RBFOX1: variants seen among roughly 807,000 people sequenced by gnomAD.
The protein encoded by RBFOX1 is RNA binding fox-1 homolog 1, also known as RNA binding protein fox-1 homolog 1.
Under a neutral mutation model 57.7 loss-of-function variants are expected in RBFOX1, and 8 were observed. The ratio of observed to expected loss-of-function variants is 0.14; its 90% CI spans 0.08 to 0.25. The LOEUF (loss-of-function observed/expected upper bound fraction) is 0.25, where lower values mean the gene tolerates loss of function less well. Ranked by LOEUF, RBFOX1 falls within the 10% of genes least tolerant of loss-of-function variation. The pLI is 1.00. For missense variants in RBFOX1, 611 were observed against 548.5 expected, an observed-to-expected ratio of 1.11 and a Z score of -1.14; for synonymous variants, 326 against 222.4, an observed-to-expected ratio of 1.47 and a Z score of -4.15.
intron 3 of RBFOX1, among the ~76,000 whole-genome samples, chr16:6,945,852 C>G (rs955414419): frequency 2.0e-5 from 3 of 152,220 alleles, no homozygotes; most frequent in Admixed American, 2.0e-4. Context: ...GATCAAATCA[C>G]TGCACTCCCC....
At chr16:5,248,558 A>C (rs2062362252) in intron 1 of RBFOX1, among the ~76,000 whole-genome samples, 1 of 152,088 alleles carries the variant, frequency 6.6e-6, no homozygotes, top group Non-Finnish European at 1.5e-5. Flanking sequence ...AGACCTCACC[A>C]GCTGAGGATC....
chr16:6,210,361 C>CAAAAAAAAAAAA (rs3064933), intron 1 of RBFOX1, among the ~76,000 whole-genome samples: 2 of 61,452 alleles, frequency 3.3e-5, no homozygotes, highest in Non-Finnish European at 3.5e-5. Flanking sequence ...AAAAAAACAC[C>CAAAAAAAAAAAA]AAAAAAAAAA....
At position 6,497,925 on chromosome 16, in the gene RBFOX1, T is replaced by C. The variant is rs139369891; in HGVS notation, c.-63-156678T>C. On this transcript the variant is annotated intron_variant, in intron 2 of 15. Coordinates refer to ENST00000550418, the MANE Select transcript of RBFOX1 (RefSeq NM_018723.4). ...AGAGGTTTTCAATCATATTTATAAA[T>C]AAATTAATCACTGTTACCCATGTCA... is the stretch of plus-strand genomic sequence containing the variant. Among the ~76,000 whole-genome samples the C allele has an allele frequency of 9.9e-5, 15 of 152,090 alleles. No homozygotes were observed. In the East Asian group the frequency reaches 2.9e-3, roughly 29 times the overall value.
At chr16:7,448,376 A>G (rs1400095982) in intron 4 of RBFOX1, among the ~76,000 whole-genome samples, 2 of 152,196 alleles carry the variant, frequency 1.3e-5, no homozygotes, top group Non-Finnish European at 2.9e-5. Context: ...TCACAGTTCC[A>G]CATTGCTGGG....
intron 3 of RBFOX1, among the ~76,000 whole-genome samples, chr16:6,808,983 C>G (rs910314406): frequency 6.6e-6 from 1 of 152,166 alleles, no homozygotes; most frequent in East Asian, 1.9e-4. Flanking sequence ...GAACTGTAAC[C>G]TAGCTTAATA....
chr16:7,099,064 T>A (rs190273563), intron 4 of RBFOX1, among the ~76,000 whole-genome samples: 1 of 152,314 alleles, frequency 6.6e-6, no homozygotes, highest in African/African-American at 2.4e-5. Flanking sequence ...TTGCATAGTA[T>A]CTTTCTCAAA....
chr16:7,698,370 A>G (rs2079504704), intron 14 of RBFOX1, among the ~76,000 whole-genome samples: 1 of 151,986 alleles, frequency 6.6e-6, no homozygotes, highest in Non-Finnish European at 1.5e-5. Context: ...GGGTGAGGGT[A>G]GGGTCTGCAA....
At chr16:7,404,479 G>A (rs945215515) in intron 4 of RBFOX1, among the ~76,000 whole-genome samples, 10 of 152,140 alleles carry the variant, frequency 6.6e-5, no homozygotes, top group African/African-American at 2.4e-4. Context: ...ACATTTTCTG[G>A]CAGGCACTGC....
At chr16:6,861,531 T>A (rs2059002227) in intron 3 of RBFOX1, among the ~76,000 whole-genome samples, 1 of 131,418 alleles carries the variant, frequency 7.6e-6, no homozygotes, top group Non-Finnish European at 1.6e-5. Flanking sequence ...CAACTCTCAA[T>A]GTTCCTTTAA....
intron 1 of RBFOX1, among the ~76,000 whole-genome samples, chr16:5,445,129 C>G (rs2068202844): frequency 6.6e-6 from 1 of 152,092 alleles, no homozygotes; most frequent in African/African-American, 2.4e-5. Flanking sequence ...TGGATGGATT[C>G]CAGGAGACCC....
intron 3 of RBFOX1, among the ~76,000 whole-genome samples, chr16:6,820,739 C>T (rs1212334246): frequency 1.3e-5 from 2 of 152,038 alleles, no homozygotes; most frequent in Non-Finnish European, 2.9e-5. Context: ...TTTTAAGAGC[C>T]TCTATAGGCC....
At chr16:6,921,531 C>T (rs538859848) in intron 3 of RBFOX1, among the ~76,000 whole-genome samples, 7 of 152,176 alleles carry the variant, frequency 4.6e-5, no homozygotes, top group African/African-American at 1.7e-4. Flanking sequence ...TAGTTCCTTC[C>T]TACATGGCCT....
intron 2 of RBFOX1, among the ~76,000 whole-genome samples, chr16:5,475,905 A>C (rs2069304614): frequency 6.6e-6 from 1 of 152,188 alleles, no homozygotes; most frequent in African/African-American, 2.4e-5. Flanking sequence ...TCCTGTGTGC[A>C]AGTGATCCTC....
intron 3 of RBFOX1, among the ~76,000 whole-genome samples, chr16:5,682,192 C>T (rs1416272967): frequency 6.6e-6 from 1 of 152,204 alleles, no homozygotes; most frequent in Admixed American, 6.5e-5. Context: ...GGCTTTGTTA[C>T]AGTTTGCTCC....
rs531593919 is a variant in RBFOX1 at position 7,655,332 on chromosome 16, G to GTCAACTTTGA, written c.890+1386_890+1395dup. ...TTTCTTGTGTAGTCATTTGAATTGG[G>GTCAACTTTGA]TCAACTTTGAGCTTCTTGGACAAAA... is the stretch of plus-strand genomic sequence containing the variant. On this transcript the variant is annotated intron_variant, in intron 12 of 15. Coordinates refer to ENST00000550418, the MANE Select transcript of RBFOX1 (RefSeq NM_018723.4). Among the ~76,000 whole-genome samples, 470 of 152,270 alleles carry GTCAACTTTGA rather than the reference G, an allele frequency of 3.1e-3. 2 individuals are homozygous for GTCAACTTTGA. Among genetic ancestry groups the GTCAACTTTGA allele is most frequent in the Admixed American group, 4.4e-3 (67 of 15,298 alleles).
chr16:6,812,781 T>C (rs560887839), intron 3 of RBFOX1, among the ~76,000 whole-genome samples: 2 of 152,256 alleles, frequency 1.3e-5, no homozygotes, highest in African/African-American at 4.8e-5. Context: ...ATAAGCGGCA[T>C]TTTCCTTGTG....
At chr16:5,725,807 G>A (rs1318640189) in intron 3 of RBFOX1, among the ~76,000 whole-genome samples, 2 of 152,106 alleles carry the variant, frequency 1.3e-5, no homozygotes, top group African/African-American at 2.4e-5. Context: ...ACTCAGGGCT[G>A]TTCTAGGATG....
At chr16:6,759,025 A>G (rs1330861606) in intron 3 of RBFOX1, among the ~76,000 whole-genome samples, 1 of 152,208 alleles carries the variant, frequency 6.6e-6, no homozygotes, top group East Asian at 1.9e-4. Context: ...TATTGTCACA[A>G]GAATAGGTTA....
chr16:7,165,380 CT>C (rs1394634548), intron 4 of RBFOX1, among the ~76,000 whole-genome samples: 1 of 61,646 alleles, frequency 1.6e-5, no homozygotes, highest in Non-Finnish European at 3.6e-5. Flanking sequence ...CAGATCATAA[CT>C]CTTCTGTAAT....
Sources: gnomAD v4.1 joint callset for allele counts (sites outside exome capture counted in the v4.1 genomes callset) on GRCh38, gnomAD v4.1.1 for gene constraint, MANE v1.5 for transcripts, NCBI Gene and HGNC (gene_info 2026-07-23, HGNC 2026-07-21) for gene names.